The following ADAMTS16 variants were observed in gnomAD, a reference collection of about 807,000 sequenced individuals.
The protein encoded by ADAMTS16 is ADAM metallopeptidase with thrombospondin type 1 motif 16, also known as A disintegrin and metalloproteinase with thrombospondin motifs 16.
ADAMTS16 carries 94 observed loss-of-function variants against 145.8 expected under a neutral mutation model. The observed-to-expected ratio is 0.64, with a 90% CI of 0.55 to 0.77. The LOEUF is 0.77. ADAMTS16 is among the 30% of genes least tolerant of loss of function. The pLI is 0.00. For synonymous variants in ADAMTS16, 659 were observed against 604.3 expected, an observed-to-expected ratio of 1.09 and a Z score of -1.33; for missense variants, 1,585 against 1,591.5, an observed-to-expected ratio of 1.00 and a Z score of 0.07.
chr5:5,285,142 T>C (rs1044184270), intron 18 of ADAMTS16, among the ~76,000 whole-genome samples: 1 of 152,198 alleles, frequency 6.6e-6, no homozygotes, highest in African/African-American at 2.4e-5. Flanking sequence ...TTCAGAGAGA[T>C]GTGTTTTTTT....
chr5:5,283,519 G>T (rs1243361016), intron 18 of ADAMTS16, among the ~76,000 whole-genome samples: 1 of 151,146 alleles, frequency 6.6e-6, no homozygotes, highest in African/African-American at 2.4e-5. Flanking sequence ...CAAGCTCTGT[G>T]TCTACCAATC....
chr5:5,177,556 T>C (rs1415322014), intron 3 of ADAMTS16, among the ~76,000 whole-genome samples: 1 of 152,218 alleles, frequency 6.6e-6, no homozygotes, highest in Non-Finnish European at 1.5e-5. Flanking sequence ...TTTTTCAAGA[T>C]ATCACATATA....
intron 8 of ADAMTS16, among the ~76,000 whole-genome samples, chr5:5,193,242 G>A (rs537669789): frequency 2.0e-5 from 3 of 151,960 alleles, no homozygotes; most frequent in Non-Finnish European, 4.4e-5. Flanking sequence ...TTCCACGAAG[G>A]TTCTGCACCC....
intron 9 of ADAMTS16, 144 bp downstream of exon 9, chr5:5,200,413 G>A (rs1735924597): frequency 1.0e-5 from 11 of 1,100,802 alleles, no homozygotes; most frequent in South Asian, 3.3e-5. Context: ...TCAGTTGACC[G>A]AAGAGTTTGC....
intron 4 of ADAMTS16, among the ~76,000 whole-genome samples, chr5:5,183,736 G>A (rs564620049): frequency 2.0e-5 from 3 of 152,350 alleles, no homozygotes; most frequent in South Asian, 2.1e-4. Context: ...TGACCTCAGT[G>A]TGGTGTCCAC....
Position 5,146,442 on chromosome 5 carries a change from C to A in ADAMTS16, c.488C>A (p.Thr163Asn). The change falls in exon 3 of 23, where the codon ACC becomes AAC. Residue 163 changes from threonine (T) to asparagine (N), a missense_variant. Coordinates refer to ENST00000274181, the MANE Select transcript of ADAMTS16 (RefSeq NM_139056.4). ...AGAAACTCCTCAGTGGCCCTTTCAA[C>A]CTGCCAAGGCTTGGTGAGTACAGCG... ...SHRNSSVALS[T>N]CQGLSGMIRT... 6.2e-7 allele frequency: 1 copy of A among 1,607,944 alleles called. No homozygotes were observed. Among genetic ancestry groups the A allele is most frequent in the Non-Finnish European group, 8.5e-7 (1 of 1,179,250 alleles).
intron 20 of ADAMTS16, 43 bp downstream of exon 20, chr5:5,303,809 C>CCCTCGGGACTGCCTCTTCTCT: frequency 1.3e-6 from 2 of 1,592,090 alleles, no homozygotes; most frequent in Non-Finnish European, 1.7e-6. Flanking sequence ...ACTAGCTCTC[C>CCCTCGGGACTGCCTCTTCTCT]CCTCGGGACT....
intron 18 of ADAMTS16, among the ~76,000 whole-genome samples, chr5:5,279,467 C>T (rs558385182): frequency 2.9e-4 from 44 of 152,204 alleles, no homozygotes; most frequent in African/African-American, 9.9e-4. Flanking sequence ...TTTACTTATT[C>T]CTGGTCTCTT....
intron 13 of ADAMTS16, 23 bp downstream of exon 13, chr5:5,235,209 G>C: frequency 6.5e-7 from 1 of 1,539,262 alleles, no homozygotes; most frequent in Non-Finnish European, 8.8e-7. Context: ...CTGCTTTCGG[G>C]TAATAGCCTC....
intron 9 of ADAMTS16, among the ~76,000 whole-genome samples, chr5:5,204,153 A>G (rs1387765331): frequency 2.0e-5 from 3 of 152,136 alleles, no homozygotes; most frequent in African/African-American, 7.2e-5. Context: ...GGTGGGTAAT[A>G]TAACCTTTTC....
In ADAMTS16 at chr5:5,140,371, C is replaced by A; in HGVS notation, c.-97C>A. ...CGGCGGCGGAGTCGCTGTGGGGAAT[C>A]CTCCCGCGCTCTGCCTGGGTCGGGT... On this transcript the variant is annotated 5_prime_UTR_variant, in exon 1 of 23. Coordinates refer to ENST00000274181, the MANE Select transcript of ADAMTS16 (RefSeq NM_139056.4). The A allele has an allele frequency of 8.0e-7, 1 of 1,242,646 alleles. No homozygotes were observed. The highest frequency in any genetic ancestry group is 1.1e-6 in the Non-Finnish European group (1 of 944,006). The allele number at this position is 1,242,646 out of a possible 1,614,324, so 77.0% of individuals were successfully genotyped here.
In ADAMTS16 at chr5:5,140,756, G is replaced by A. The variant is rs1048598764; in HGVS notation, c.165G>A (p.Met55Ile). 7 of 1,562,412 alleles carry A rather than the reference G, an allele frequency of 4.5e-6. No homozygotes were observed. Among genetic ancestry groups the A allele is most frequent in the Non-Finnish European group, 4.3e-6 (5 of 1,154,788 alleles). Residue 55 changes from methionine to isoleucine, a missense_variant, in exon 2 of 23, where the codon ATG (methionine) becomes ATA (isoleucine). Physicochemically the swap from Met to Ile is conservative, Grantham distance 10 (BLOSUM62 1). Coordinates refer to ENST00000274181, the MANE Select transcript of ADAMTS16 (RefSeq NM_139056.4). ...PPPPAERPGW[M>I]EKGEYDLVSA... ...CACCCGCGGAGCGGCCGGGCTGGATGGAAAAGGGCGGTAAGTCCGTGAGGT... is the reference window on the plus strand; with the variant it reads ...CACCCGCGGAGCGGCCGGGCTGGATAGAAAAGGGCGGTAAGTCCGTGAGGT...
chr5:5,221,885 C>T (rs1238836937), intron 10 of ADAMTS16, among the ~76,000 whole-genome samples: 2 of 152,216 alleles, frequency 1.3e-5, no homozygotes, highest in Non-Finnish European at 2.9e-5. Context: ...TTCTTCATGA[C>T]ATGAATCACC....
rs10664937 is a variant in ADAMTS16, at chr5:5,222,316, AATGGATGG to A, written c.1606-439_1606-432del. ...TTTGGGGATGGTGGATGCATGGTTA[AATGGATGG>A]ATGGATGGATGGATGGATGGATGGA... is the stretch of plus-strand genomic sequence containing the variant. On this transcript the variant is annotated intron_variant, in intron 10 of 22. Transcript: ENST00000274181. 5.1e-3 allele frequency among the ~76,000 whole-genome samples: 757 copies of A among 148,542 alleles called. 7 individuals are homozygous for A. Among genetic ancestry groups the A allele is most frequent in the African/African-American group, 0.017 (696 of 40,320 alleles).
intron 4 of ADAMTS16, among the ~76,000 whole-genome samples, chr5:5,183,044 C>G (rs998182919): frequency 6.6e-6 from 1 of 152,160 alleles, no homozygotes; most frequent in African/African-American, 2.4e-5. Flanking sequence ...GTTGCAAGTA[C>G]TTAGTGAATC....
At chr5:5,249,457 G>A (rs1271930168) in intron 17 of ADAMTS16, among the ~76,000 whole-genome samples, 1 of 152,078 alleles carries the variant, frequency 6.6e-6, no homozygotes. Context: ...TGAAGGGGGT[G>A]ACTCGTTTAC....
At chr5:5,198,283 C>T (rs1255115065) in intron 8 of ADAMTS16, among the ~76,000 whole-genome samples, 1 of 152,168 alleles carries the variant, frequency 6.6e-6, no homozygotes, top group Non-Finnish European at 1.5e-5. Context: ...TTTTCACAGC[C>T]ATGACACATT....
chr5:5,243,266 G>A (rs1008578879), intron 17 of ADAMTS16, among the ~76,000 whole-genome samples: 41 of 152,296 alleles, frequency 2.7e-4, no homozygotes, highest in African/African-American at 9.9e-4. Context: ...TAAAGCTAAT[G>A]ACTGAATGAA....
intron 2 of ADAMTS16, among the ~76,000 whole-genome samples, chr5:5,141,947 A>C (rs1317736869): frequency 6.6e-6 from 1 of 152,182 alleles, no homozygotes; most frequent in African/African-American, 2.4e-5. Flanking sequence ...GTCCATTTAC[A>C]GACTATCCTC....
Sources: gnomAD v4.1 joint callset for allele counts (sites outside exome capture counted in the v4.1 genomes callset) on GRCh38, gnomAD v4.1.1 for gene constraint, MANE v1.5 for transcripts, NCBI Gene and HGNC (gene_info 2026-07-23, HGNC 2026-07-21) for gene names.